TANC2: variants seen among roughly 807,000 people sequenced by gnomAD.
The protein encoded by TANC2 is protein TANC2.
TANC2 carries 26 observed loss-of-function variants against 210.5 expected under a neutral mutation model. The observed-to-expected ratio is 0.12, with a 90% CI of 0.09 to 0.17. The LOEUF (loss-of-function observed/expected upper bound fraction) is 0.17, where lower values mean the gene tolerates loss of function less well. TANC2 is among the 10% of genes least tolerant of loss of function. TANC2 has a pLI of 1.00. For synonymous variants in TANC2, 931 were observed against 967.1 expected, an observed-to-expected ratio of 0.96 and a Z score of 0.69; for missense variants, 2,129 against 2,608.9, an observed-to-expected ratio of 0.82 and a Z score of 4.01.
At chr17:63,213,171 C>G (rs566433976) in intron 7 of TANC2, among the ~76,000 whole-genome samples, 22 of 152,204 alleles carry the variant, frequency 1.4e-4, no homozygotes, top group African/African-American at 5.1e-4. Context: ...TGGAGCCTAC[C>G]GTATGTGCTC....
chr17:63,178,008 C>A (rs1182838357), intron 5 of TANC2, among the ~76,000 whole-genome samples: 1 of 152,166 alleles, frequency 6.6e-6, no homozygotes, highest in African/African-American at 2.4e-5. Context: ...TGCTCAAGGG[C>A]ACTAATAAAT....
intron 6 of TANC2, chr17:63,197,885 T>G (rs2041397757): frequency 6.6e-6 from 1 of 152,236 alleles, no homozygotes; most frequent in Non-Finnish European, 1.5e-5. Context: ...ACTAGTCTCC[T>G]TAAGTAAATA....
At chr17:63,199,061 A>G (rs2041443219) in intron 6 of TANC2, among the ~76,000 whole-genome samples, 1 of 152,206 alleles carries the variant, frequency 6.6e-6, no homozygotes, top group African/African-American at 2.4e-5. Context: ...TTAAATTAAA[A>G]TCAAAACCTA....
At chr17:63,116,812 A>C (rs902427165) in intron 4 of TANC2, among the ~76,000 whole-genome samples, 1 of 152,230 alleles carries the variant, frequency 6.6e-6, no homozygotes, top group African/African-American at 2.4e-5. Context: ...ACATTGCAAC[A>C]AAATCACTGT....
intron 4 of TANC2, among the ~76,000 whole-genome samples, chr17:63,122,988 G>A (rs2038544689): frequency 6.6e-6 from 1 of 152,140 alleles, no homozygotes. Context: ...AGGATGCTCT[G>A]GAAGAGACAA....
chr17:63,423,565 G>GT (rs1434145153), exon 28 of TANC2: 1 of 152,246 alleles, frequency 6.6e-6, no homozygotes, highest in Non-Finnish European at 1.5e-5. Context: ...AGGAAGGGCA[G>GT]TTTCCTGAAT....
At chr17:63,100,264 A>T (rs529909351) in intron 4 of TANC2, among the ~76,000 whole-genome samples, 1 of 152,146 alleles carries the variant, frequency 6.6e-6, no homozygotes, top group Non-Finnish European at 1.5e-5. Context: ...ACTTCTGTCT[A>T]TGTAGAGTGA....
chr17:63,193,156 A>T (rs910318479), intron 5 of TANC2, among the ~76,000 whole-genome samples: 1 of 152,214 alleles, frequency 6.6e-6, no homozygotes, highest in East Asian at 1.9e-4. Context: ...AGTTATCTAA[A>T]TGTTTATAAC....
intron 1 of TANC2, among the ~76,000 whole-genome samples, chr17:62,992,468 G>A (rs1033017882): frequency 6.6e-6 from 1 of 152,120 alleles, no homozygotes; most frequent in Non-Finnish European, 1.5e-5. Flanking sequence ...GTCATAATGA[G>A]TATACTATTA....
intron 2 of TANC2, among the ~76,000 whole-genome samples, chr17:63,028,352 A>T (rs2034636680): frequency 6.6e-6 from 1 of 152,146 alleles, no homozygotes; most frequent in African/African-American, 2.4e-5. Context: ...AAATTGACAT[A>T]AGACAGATTA....
intron 2 of TANC2, among the ~76,000 whole-genome samples, chr17:63,012,843 G>T (rs1055779097): frequency 3.9e-5 from 6 of 151,910 alleles, no homozygotes; most frequent in African/African-American, 1.2e-4. Flanking sequence ...TTGTAGAGAT[G>T]AGATCTCGTT....
intron 8 of TANC2, among the ~76,000 whole-genome samples, chr17:63,257,611 T>C (rs2043233507): frequency 6.6e-6 from 1 of 152,130 alleles, no homozygotes; most frequent in Non-Finnish European, 1.5e-5. Flanking sequence ...CCACCTGCCC[T>C]GGCCTCCCAA....
At chr17:63,215,007 T>C (rs1018463143) in intron 7 of TANC2, among the ~76,000 whole-genome samples, 1 of 152,210 alleles carries the variant, frequency 6.6e-6, no homozygotes, top group Non-Finnish European at 1.5e-5. Context: ...TCCTTGCTGC[T>C]CCATGTAGTC....
intron 8 of TANC2, among the ~76,000 whole-genome samples, chr17:63,247,576 AT>A (rs2042952042): frequency 6.6e-6 from 1 of 151,920 alleles, no homozygotes. Context: ...CTAGACCTTA[AT>A]TGTGAATGAT....
In TANC2 at chr17:63,099,212, AGACTAC is replaced by A. The variant is rs756126012; in HGVS notation, c.179_184del (p.Asp60_Tyr61del). The A allele has an allele frequency of 1.1e-5, 17 of 1,605,032 alleles. No homozygotes were observed. The South Asian group carries it at 1.7e-4, about 16-fold the overall frequency. ...CAGAAAGCGACTGTGCTTTTGAGCCAGACTACGCTGTCCCGCCACTTCCAGTGAGTG... is the reference window on the plus strand; with the variant it reads ...CAGAAAGCGACTGTGCTTTTGAGCCAGCTGTCCCGCCACTTCCAGTGAGTG... On this transcript the variant is annotated inframe_deletion, in exon 4 of 28. Transcript: ENST00000689528.
chr17:63,339,956 A>T, intron 11 of TANC2, 145 bp from the exon 12 acceptor site: 1 of 637,414 alleles, frequency 1.6e-6, no homozygotes, highest in Non-Finnish European at 2.7e-6. Context: ...TTTACTTGGA[A>T]AAGTTGAGGA....
At position 63,398,295 on chromosome 17, in the gene TANC2, A is replaced by G. The variant is rs567533608; in HGVS notation, c.3238-526A>G. Among the ~76,000 whole-genome samples the G allele has an allele frequency of 2.6e-5, 4 of 152,166 alleles. No homozygotes were observed. In the South Asian group the frequency reaches 8.3e-4, roughly 32 times the overall value. On this transcript the variant is annotated intron_variant, in intron 18 of 27. Transcript: ENST00000689528. ...CCCACATCTCTGGGGAAGAAAAAAA[A>G]AACTTTTTTAATTAGCCAGGTGTGG...
At chr17:63,322,656 A>G (rs2045533012) in intron 11 of TANC2, among the ~76,000 whole-genome samples, 1 of 152,246 alleles carries the variant, frequency 6.6e-6, no homozygotes, top group South Asian at 2.1e-4. Context: ...AAACAGACAC[A>G]ATTCCTGCTG....
At chr17:63,059,194 CTG>C (rs2035910997) in intron 2 of TANC2, among the ~76,000 whole-genome samples, 1 of 152,044 alleles carries the variant, frequency 6.6e-6, no homozygotes, top group Non-Finnish European at 1.5e-5. Context: ...TTCCTTCAGT[CTG>C]AATTATGTTG....
Sources: allele counts gnomAD v4.1 joint callset (sites outside exome capture counted in the v4.1 genomes callset), GRCh38; gene constraint gnomAD v4.1.1; transcripts MANE v1.5; gene names NCBI Gene and HGNC (gene_info 2026-07-23, HGNC 2026-07-21).